The following PCDH15 variants were observed in gnomAD, a reference collection of about 807,000 sequenced individuals.
PCDH15 encodes the protein protocadherin-15.
PCDH15 carries 129 observed loss-of-function variants against 178.5 expected under a neutral mutation model. That is an observed-to-expected ratio of 0.72 (90% CI 0.63 to 0.84). PCDH15 has a LOEUF of 0.84. PCDH15 is among the 40% of genes least tolerant of loss of function. PCDH15 has a pLI of 0.00. For synonymous variants in PCDH15, 800 were observed against 732.0 expected, an observed-to-expected ratio of 1.09 and a Z score of -1.50; for missense variants, 2,230 against 2,099.9, an observed-to-expected ratio of 1.06 and a Z score of -1.21.
intron 2 of PCDH15, among the ~76,000 whole-genome samples, chr10:55,609,122 T>C (rs755086684): frequency 2.0e-5 from 3 of 152,048 alleles, no homozygotes; most frequent in Non-Finnish European, 4.4e-5. Flanking sequence ...AATGTTTCAC[T>C]ATTGGCTATT....
chr10:54,987,349 A>G (rs191858574), intron 2 of PCDH15, among the ~76,000 whole-genome samples: 92 of 152,316 alleles, frequency 6.0e-4, no homozygotes, highest in African/African-American at 1.9e-3. Context: ...TCTTTATGGT[A>G]GAATGATTCA....
intron 10 of PCDH15, among the ~76,000 whole-genome samples, chr10:54,206,489 C>T (rs2050809229): frequency 6.6e-6 from 1 of 152,044 alleles, no homozygotes; most frequent in Non-Finnish European, 1.5e-5. Context: ...TGCCTTTTGC[C>T]TTCCAACCAG....
At position 53,938,513 on chromosome 10, in the gene PCDH15, C is replaced by G. The variant is rs540751179; in HGVS notation, c.3373+302G>C. Among the ~76,000 whole-genome samples, 36 of 152,038 alleles carry G rather than the reference C, an allele frequency of 2.4e-4. 1 individual carries two copies. Among genetic ancestry groups the G allele is most frequent in the Non-Finnish European group, 4.3e-4 (29 of 67,994 alleles). On this transcript the variant is annotated intron_variant, in intron 25 of 37. Transcript: ENST00000644397. Reference sequence around the variant, plus strand: ...AAAATATCTATTTCCCAAGGTTTATCCAGAGCTTCACAGTGGGACTAAGTT... The same window carrying G: ...AAAATATCTATTTCCCAAGGTTTATGCAGAGCTTCACAGTGGGACTAAGTT...
At chr10:55,598,737 G>C (rs1003848232) in intron 2 of PCDH15, among the ~76,000 whole-genome samples, 1 of 151,488 alleles carries the variant, frequency 6.6e-6, no homozygotes, top group African/African-American at 2.4e-5. Flanking sequence ...AAGGCCATAA[G>C]GCAAGCACAC....
At chr10:55,142,788 C>T (rs1217297246) in intron 2 of PCDH15, among the ~76,000 whole-genome samples, 1 of 151,548 alleles carries the variant, frequency 6.6e-6, no homozygotes, top group Non-Finnish European at 1.5e-5. Context: ...ATCTTGCCTT[C>T]TTTTGGGTAG....
chr10:54,953,098 A>C (rs576932654), intron 2 of PCDH15, among the ~76,000 whole-genome samples: 1 of 151,560 alleles, frequency 6.6e-6, no homozygotes, highest in Non-Finnish European at 1.5e-5. Flanking sequence ...CTAGTTTCTC[A>C]CCATTAAGTA....
intron 1 of PCDH15, among the ~76,000 whole-genome samples, chr10:54,689,140 C>A (rs2095068633): frequency 6.6e-6 from 1 of 151,924 alleles, no homozygotes; most frequent in Admixed American, 6.6e-5. Context: ...GCCACAACTA[C>A]ATAAACCTTA....
intron 23 of PCDH15, among the ~76,000 whole-genome samples, chr10:53,941,675 A>G (rs1432653356): frequency 2.6e-5 from 4 of 152,174 alleles, no homozygotes; most frequent in African/African-American, 9.7e-5. Context: ...CTGGGTAAAT[A>G]CTAATTAGCA....
intron 1 of PCDH15, among the ~76,000 whole-genome samples, chr10:55,172,706 T>A: frequency 6.6e-6 from 1 of 152,172 alleles, no homozygotes; most frequent in Non-Finnish European, 1.5e-5. Context: ...TTAAATTATG[T>A]TTTATAGAAT....
intron 3 of PCDH15, among the ~76,000 whole-genome samples, chr10:54,388,485 A>G (rs1343666403): frequency 6.6e-6 from 1 of 152,188 alleles, no homozygotes; most frequent in East Asian, 1.9e-4. Context: ...AGGAGAGGGC[A>G]TGCCTTCGTG....
intron 3 of PCDH15, among the ~76,000 whole-genome samples, chr10:54,434,851 A>G (rs1430820492): frequency 1.3e-5 from 2 of 152,200 alleles, no homozygotes; most frequent in African/African-American, 4.8e-5. Context: ...AGAATAGAAG[A>G]CTTTTCTTCT....
At position 53,866,872 on chromosome 10, in the gene PCDH15, A is replaced by AG; in HGVS notation, c.3502-16_3502-15insC. The AG allele has an allele frequency of 6.5e-7, 1 of 1,536,566 alleles. No homozygotes were observed. Among genetic ancestry groups the AG allele is most frequent in the South Asian group, 1.1e-5 (1 of 89,272 alleles). On this transcript the variant is annotated splice_polypyrimidine_tract_variant and intron_variant, in intron 26 of 37. Coordinates refer to ENST00000644397, the MANE Select transcript of PCDH15 (RefSeq NM_001384140.1). ...TTATCAGTAGCCTAGACGGAGGGGA[A>AG]AAAAAAAGAGATTATAATTAAGCAG... is the stretch of plus-strand genomic sequence containing the variant.
intron 32 of PCDH15, chr10:53,822,460 G>T: frequency 6.2e-7 from 1 of 1,603,902 alleles, no homozygotes; most frequent in Non-Finnish European, 8.5e-7. Flanking sequence ...GGAGGAGAAG[G>T]AGGAGAAATA....
At chr10:54,540,901 C>T (rs1589989445) in intron 2 of PCDH15, among the ~76,000 whole-genome samples, 1 of 152,098 alleles carries the variant, frequency 6.6e-6, no homozygotes, top group Non-Finnish European at 1.5e-5. Flanking sequence ...AAATTAAAAC[C>T]AAAAACTATA....
intron 1 of PCDH15, among the ~76,000 whole-genome samples, chr10:55,229,503 T>C (rs559454362): frequency 1.2e-4 from 19 of 152,158 alleles, no homozygotes; most frequent in Admixed American, 1.1e-3. Context: ...ATATCACATT[T>C]TTATGACTCT....
At chr10:55,398,773 T>A (rs987978702) in intron 2 of PCDH15, among the ~76,000 whole-genome samples, 2 of 152,302 alleles carry the variant, frequency 1.3e-5, no homozygotes, top group Non-Finnish European at 2.9e-5. Context: ...TGGGGTTTTT[T>A]AATGTCTTTT....
intron 2 of PCDH15, among the ~76,000 whole-genome samples, chr10:55,327,800 C>T (rs748522133): frequency 2.0e-4 from 30 of 152,080 alleles, no homozygotes; most frequent in South Asian, 1.9e-3. Context: ...ATGAATACTA[C>T]GCTAAAAATA....
chr10:55,429,231 A>G (rs1838826663), intron 2 of PCDH15, among the ~76,000 whole-genome samples: 1 of 152,092 alleles, frequency 6.6e-6, no homozygotes, highest in South Asian at 2.1e-4. Context: ...TTTTGCACAA[A>G]GGAAATTTTA....
chr10:54,117,510 C>A (rs960481074), intron 15 of PCDH15, among the ~76,000 whole-genome samples: 1 of 152,152 alleles, frequency 6.6e-6, no homozygotes, highest in South Asian at 2.1e-4. Flanking sequence ...CTGTTTCCGT[C>A]CTGTTTGTGT....
Sources: allele counts gnomAD v4.1 joint callset (sites outside exome capture counted in the v4.1 genomes callset), GRCh38; gene constraint gnomAD v4.1.1; transcripts MANE v1.5; gene names NCBI Gene and HGNC (gene_info 2026-07-23, HGNC 2026-07-21).